POM121: variants seen among roughly 807,000 people sequenced by gnomAD.
The protein encoded by POM121 is nuclear envelope pore membrane protein POM 121.
A neutral mutation model predicts 81.3 loss-of-function variants in POM121; 32 were observed. The observed-to-expected ratio is 0.39, with a 90% CI of 0.30 to 0.53. POM121 has a LOEUF of 0.53. POM121 is among the 20% of genes least tolerant of loss of function. POM121 has a pLI of 0.66. For synonymous variants in POM121, 514 were observed against 694.2 expected, an observed-to-expected ratio of 0.74 and a Z score of 4.08; for missense variants, 1,138 against 1,614.6, an observed-to-expected ratio of 0.70 and a Z score of 5.06.
chr7:72,948,294 A>C lies in POM121; in HGVS notation c.*2060A>C, dbSNP rs1319435767. On this transcript the variant is annotated 3_prime_UTR_variant, in exon 13 of 13. Transcript: ENST00000434423. ...CATTAAGAATAAAAAACTGTGATCT[A>C]TCGTAGAGTACGTTCTGCATTTTAT... 1 of 1,567,414 alleles carries C rather than the reference A, an allele frequency of 6.4e-7. No individual in the cohort carries two copies. The highest frequency in any genetic ancestry group is 8.6e-7 in the Non-Finnish European group (1 of 1,156,182).
chr7:72,892,752 C>G (rs1271825078), intron 3 of POM121, among the ~76,000 whole-genome samples: 1 of 151,904 alleles, frequency 6.6e-6, no homozygotes, highest in South Asian at 2.1e-4. Flanking sequence ...TGCAGCCTCC[C>G]CCTCCCAGGT....
intron 3 of POM121, among the ~76,000 whole-genome samples, chr7:72,905,443 C>T (rs1554493280): frequency 6.6e-6 from 1 of 152,196 alleles, no homozygotes; most frequent in Non-Finnish European, 1.5e-5. Flanking sequence ...GTGGCTCACA[C>T]CTGTAATCCC....
intron 3 of POM121, among the ~76,000 whole-genome samples, chr7:72,900,731 T>C (rs1792529965): frequency 6.6e-6 from 1 of 152,106 alleles, no homozygotes; most frequent in Non-Finnish European, 1.5e-5. Flanking sequence ...GTTGAACTCC[T>C]GGCCTTAAGA....
At chr7:72,919,973 G>C (rs1388105236) in intron 4 of POM121, among the ~76,000 whole-genome samples, 1 of 152,082 alleles carries the variant, frequency 6.6e-6, no homozygotes, top group African/African-American at 2.4e-5. Flanking sequence ...TTCAGGATTT[G>C]ATCTATATCA....
rs1357739572 is a variant in POM121 at position 72,942,983 on chromosome 7, T to C, written c.2990T>C (p.Phe997Ser). ...CCCAGCTTTGGCAGCTCTTTCACTT[T>C]TGGAAACTCTGCAGCCCCGGCTGCT... ...LAPSFGSSFT[F>S]GNSAAPAAAP... Residue 997 changes from phenylalanine to serine, a missense_variant, in exon 11 of 13, where the codon TTT (phenylalanine) becomes TCT (serine). By Grantham distance (155) the Phe-to-Ser change is radical. Coordinates refer to ENST00000434423, the MANE Select transcript of POM121 (RefSeq NM_001387691.1). 3 of 1,609,356 alleles carry C rather than the reference T, an allele frequency of 1.9e-6. No homozygotes were observed. The highest frequency in any genetic ancestry group is 1.6e-4 in the Middle Eastern group (1 of 6,064).
At chr7:72,891,483 T>A (rs1444113404) in intron 3 of POM121, among the ~76,000 whole-genome samples, 1 of 152,194 alleles carries the variant, frequency 6.6e-6, no homozygotes, top group Non-Finnish European at 1.5e-5. Context: ...CTCAGCTCAC[T>A]GCAACCATCA....
chr7:72,891,069 T>G (rs1554490836), exon 3 of POM121: 6 of 1,044,450 alleles, frequency 5.7e-6, no homozygotes, highest in Middle Eastern at 2.1e-4. Context: ...GGAGAGGAGC[T>G]GTGGATAACG....
rs1554501270 is a variant in POM121, at chr7:72,942,167, C to T, written c.2174C>T (p.Pro725Leu). The T allele has an allele frequency of 6.2e-7, 1 of 1,608,846 alleles. No homozygotes were observed. The highest frequency in any genetic ancestry group is 1.1e-5 in the South Asian group (1 of 90,262). The change falls in exon 11 of 13, where the codon CCT becomes CTT. Residue 725 changes from proline to leucine, a missense_variant. Pro to Leu is a moderately conservative substitution (Grantham distance 98, BLOSUM62 -3). Around this residue, in one of 7 missense-constraint regions of POM121, gnomAD observed 37 missense variants for 62.8 expected, o/e 0.59. Coordinates refer to ENST00000434423, the MANE Select transcript of POM121 (RefSeq NM_001387691.1). The part of the protein sequence containing the change: ...SPAAPAASSA[P>L]PMFKPIFTAP... ...GCCGCCCCTGCTGCATCTTCAGCACCTCCCATGTTCAAGCCCATTTTCACG... is the reference window on the plus strand; with the variant it reads ...GCCGCCCCTGCTGCATCTTCAGCACTTCCCATGTTCAAGCCCATTTTCACG...
intron 3 of POM121, among the ~76,000 whole-genome samples, chr7:72,893,379 C>A (rs1335263664): frequency 6.6e-6 from 1 of 151,726 alleles, no homozygotes; most frequent in African/African-American, 2.4e-5. Context: ...GTCAGGAGAT[C>A]GAGACCATCC....
chr7:72,943,130 C>A lies in POM121; in HGVS notation c.3137C>A (p.Ala1046Asp), dbSNP rs782119188. Residue 1046 changes from alanine (A) to aspartate (D), a missense_variant, in exon 11 of 13, where the codon GCC becomes GAC. Transcript: ENST00000434423. ...TTTGGGTTGAAAGCCACGGCTTCGG[C>A]CTTCGGCGCTCCCGCCAGCTCACAG... ...SAFGLKATAS[A>D]FGAPASSQPA... 1.4e-5 allele frequency: 22 copies of A among 1,613,178 alleles called. No homozygotes were observed. Among genetic ancestry groups the A allele is most frequent in the Non-Finnish European group, 1.9e-5 (22 of 1,179,678 alleles).
chr7:72,904,270 T>C (rs1793011906), intron 3 of POM121, among the ~76,000 whole-genome samples: 1 of 152,242 alleles, frequency 6.6e-6, no homozygotes, highest in Non-Finnish European at 1.5e-5. Flanking sequence ...TGGGCAGGTC[T>C]GAATTTCAGT....
Position 72,943,232 on chromosome 7 carries a change from C to A in POM121, c.3239C>A (p.Ala1080Asp), listed in dbSNP as rs781951293. ...GGCTTTGGAGCCACCACCCAGACCGCCAGCAGCGGGAGCAGCAGCTCGGTG... is the reference window on the plus strand; with the variant it reads ...GGCTTTGGAGCCACCACCCAGACCGACAGCAGCGGGAGCAGCAGCTCGGTG... ...SSGFGATTQT[A>D]SSGSSSSVFG... The change falls in exon 11 of 13, where the codon GCC becomes GAC. Residue 1080 changes from alanine (A) to aspartate (D), a missense_variant. This residue lies in a region of POM121 where 336 missense variants were observed against 344.3 expected (regional missense o/e 0.98). Coordinates refer to ENST00000434423, the MANE Select transcript of POM121 (RefSeq NM_001387691.1). The A allele has an allele frequency of 2.5e-6, 4 of 1,612,758 alleles. No homozygotes were observed. The East Asian group carries it at 8.9e-5, about 36-fold the overall frequency.
At chr7:72,923,587 TAA>T (rs1377106193), upstream of POM121, among the ~76,000 whole-genome samples, 1 of 137,956 alleles carries the variant, frequency 7.2e-6, no homozygotes, top group South Asian at 2.3e-4. Flanking sequence ...CACGCCCGGC[TAA>T]TTTTTTTTTT....
intron 1 of POM121, among the ~76,000 whole-genome samples, chr7:72,889,337 A>G (rs557137355): frequency 6.6e-6 from 1 of 152,186 alleles, no homozygotes; most frequent in Admixed American, 6.5e-5. Context: ...CTGGGTTTGA[A>G]CCCCTTGTTG....
chr7:72,911,845 C>G (rs569447290), intron 3 of POM121, among the ~76,000 whole-genome samples: 1 of 152,334 alleles, frequency 6.6e-6, no homozygotes, highest in African/African-American at 2.4e-5. Context: ...ACCCAAACTC[C>G]CACCAAAGTA....
At chr7:72,915,768 G>A (rs1312309008) in intron 4 of POM121, among the ~76,000 whole-genome samples, 1 of 152,204 alleles carries the variant, frequency 6.6e-6, no homozygotes, top group Non-Finnish European at 1.5e-5. Context: ...CGCCTCCTGG[G>A]TTCAAGAGAT....
intron 3 of POM121, among the ~76,000 whole-genome samples, chr7:72,928,044 A>G (rs1428584403): frequency 6.6e-6 from 1 of 152,138 alleles, no homozygotes; most frequent in African/African-American, 2.4e-5. Flanking sequence ...CGCCTCTACA[A>G]AAAATTAAGA....
intron 6 of POM121, among the ~76,000 whole-genome samples, 181 bp downstream of exon 6, chr7:72,938,862 G>C (rs1796784599): frequency 6.6e-6 from 1 of 152,228 alleles, no homozygotes; most frequent in Non-Finnish European, 1.5e-5. Flanking sequence ...TACAGTCTTG[G>C]ATACTGACTC....
intron 1 of POM121, among the ~76,000 whole-genome samples, chr7:72,887,091 C>G (rs1480703216): frequency 6.6e-6 from 1 of 152,160 alleles, no homozygotes; most frequent in Non-Finnish European, 1.5e-5. Flanking sequence ...TTCTCTGTTT[C>G]ATTTTATGTA....
Sources: gnomAD v4.1 joint callset for allele counts (sites outside exome capture counted in the v4.1 genomes callset) on GRCh38, gnomAD v4.1.1 for gene constraint, gnomAD v4.1.1 regional missense constraint, MANE v1.5 for transcripts, NCBI Gene and HGNC (gene_info 2026-07-23, HGNC 2026-07-21) for gene names.